Variants in ATP8B4 observed in about 807,000 individuals in gnomAD.
ATP8B4 encodes the protein ATPase phospholipid transporting 8B4 (putative).
A neutral mutation model predicts 145.6 loss-of-function variants in ATP8B4; 133 were observed. The observed-to-expected ratio is 0.91, with a 90% CI of 0.79 to 1.05. The LOEUF (loss-of-function observed/expected upper bound fraction) is 1.05, where lower values mean the gene tolerates loss of function less well. ATP8B4 is among the 50% of genes least tolerant of loss of function. ATP8B4 has a pLI of 0.00. For synonymous variants in ATP8B4, 507 were observed against 492.9 expected, an observed-to-expected ratio of 1.03 and a Z score of -0.38; for missense variants, 1,458 against 1,425.2, an observed-to-expected ratio of 1.02 and a Z score of -0.37.
intron 23 of ATP8B4, among the ~76,000 whole-genome samples, chr15:49,886,259 C>T (rs1369688035): frequency 2.0e-5 from 3 of 150,152 alleles, no homozygotes; most frequent in African/African-American, 7.6e-5. Context: ...GAGTAGGATA[C>T]TCAATCTCTC....
intron 15 of ATP8B4, among the ~76,000 whole-genome samples, chr15:49,933,148 T>C (rs998712884): frequency 1.3e-5 from 2 of 151,510 alleles, no homozygotes; most frequent in Non-Finnish European, 2.9e-5. Flanking sequence ...GTGAAAAGTA[T>C]ACAACAACAA....
chr15:50,039,949 A>C (rs1251546638), intron 5 of ATP8B4, among the ~76,000 whole-genome samples: 1 of 152,258 alleles, frequency 6.6e-6, no homozygotes, highest in Non-Finnish European at 1.5e-5. Flanking sequence ...AGTTTATAAT[A>C]TTGGTAAAGA....
intron 17 of ATP8B4, 29 bp downstream of exon 17, chr15:49,923,350 T>C (rs2040426825): frequency 2.0e-6 from 3 of 1,498,918 alleles, no homozygotes; most frequent in African/African-American, 2.8e-5. Context: ...AAAGGGCCAT[T>C]GTGCTAACCT....
intron 2 of ATP8B4, among the ~76,000 whole-genome samples, chr15:50,080,164 A>T (rs187474420): frequency 7.9e-5 from 12 of 152,200 alleles, no homozygotes; most frequent in Admixed American, 6.5e-4. Flanking sequence ...CCCCAAAATC[A>T]TAAAATCCAA....
chr15:49,883,410 AG>A (rs1334794526), intron 23 of ATP8B4: 3 of 152,228 alleles, frequency 2.0e-5, no homozygotes, highest in African/African-American at 7.2e-5. Context: ...AAGAGAAGAC[AG>A]GAAGGAAAAA....
chr15:49,954,120 T>C (rs2043342513), intron 14 of ATP8B4, among the ~76,000 whole-genome samples: 1 of 152,198 alleles, frequency 6.6e-6, no homozygotes, highest in South Asian at 2.1e-4. Flanking sequence ...AGTCAGCCAT[T>C]TTGGCCCTGC....
rs76234111 is a variant in ATP8B4, at chr15:49,929,402, T to C, written c.1642+1717A>G. ...AAGCATACAATGAGAGAGGTAACTG[T>C]GAATTTTAATACAGATTATAGAAAG... is the stretch of plus-strand genomic sequence containing the variant. On this transcript the variant is annotated intron_variant, in intron 16 of 27. Coordinates refer to ENST00000284509, the MANE Select transcript of ATP8B4 (RefSeq NM_024837.4). 6.0e-3 allele frequency among the ~76,000 whole-genome samples: 921 copies of C among 152,238 alleles called. 14 individuals carry two copies. Among genetic ancestry groups the C allele is most frequent in the African/African-American group, 0.022 (896 of 41,542 alleles).
chr15:50,130,984 A>G (rs2057342198), intron 1 of ATP8B4, among the ~76,000 whole-genome samples: 1 of 152,154 alleles, frequency 6.6e-6, no homozygotes, highest in African/African-American at 2.4e-5. Flanking sequence ...GAAACTTACA[A>G]TCATGGCAGA....
chr15:50,042,015 C>T (rs965580838), intron 5 of ATP8B4, among the ~76,000 whole-genome samples: 4 of 150,036 alleles, frequency 2.7e-5, no homozygotes, highest in Non-Finnish European at 5.9e-5. Flanking sequence ...ATTAGCCAGG[C>T]GTTGCAGCAT....
upstream of ATP8B4, among the ~76,000 whole-genome samples, chr15:50,120,834 C>A (rs2057262150): frequency 6.6e-6 from 1 of 152,146 alleles, no homozygotes; most frequent in Non-Finnish European, 1.5e-5. Context: ...ATCAGGTCAT[C>A]TGAGTTTAGT....
intron 1 of ATP8B4, among the ~76,000 whole-genome samples, chr15:50,149,768 G>C (rs1445084444): frequency 2.0e-5 from 3 of 152,170 alleles, no homozygotes. Context: ...ATTCAGGGCA[G>C]TAAAGGAAGA....
chr15:49,981,565 T>C (rs2046160305), intron 10 of ATP8B4, among the ~76,000 whole-genome samples: 1 of 152,142 alleles, frequency 6.6e-6, no homozygotes, highest in African/African-American at 2.4e-5. Context: ...ATTTTTTCAA[T>C]GTCTATACAT....
chr15:49,898,736 G>A (rs1476400824), intron 21 of ATP8B4, among the ~76,000 whole-genome samples: 3 of 152,282 alleles, frequency 2.0e-5, no homozygotes, highest in East Asian at 3.9e-4. Flanking sequence ...CAGGCAAAAT[G>A]AAAAGCAGAT....
At chr15:49,921,493 C>T (rs6493385) in intron 17 of ATP8B4, among the ~76,000 whole-genome samples, 85,490 of 151,900 alleles carry the variant, frequency 0.56, 25,362 homozygotes, top group African/African-American at 0.7. Context: ...TAGAAACATA[C>T]GTAGATTGCT....
intron 3 of ATP8B4, among the ~76,000 whole-genome samples, chr15:50,048,012 C>CT (rs925245265): frequency 4.0e-5 from 6 of 151,550 alleles, no homozygotes; most frequent in Admixed American, 1.3e-4. Flanking sequence ...CCTATAACTT[C>CT]TTTTTTTTTA....
intron 14 of ATP8B4, among the ~76,000 whole-genome samples, chr15:49,953,878 C>T (rs1599394664): frequency 6.6e-6 from 1 of 152,138 alleles, no homozygotes; most frequent in Admixed American, 6.5e-5. Flanking sequence ...ACAGTTTCCC[C>T]GGCTGGGTAG....
intron 12 of ATP8B4, among the ~76,000 whole-genome samples, chr15:49,978,523 T>A (rs1398225325): frequency 6.6e-6 from 1 of 152,082 alleles, no homozygotes; most frequent in Non-Finnish European, 1.5e-5. Context: ...ATAGCTAGGT[T>A]TTTGAAGAGA....
At chr15:49,926,184 C>T (rs2040705943) in intron 16 of ATP8B4, among the ~76,000 whole-genome samples, 2 of 152,126 alleles carry the variant, frequency 1.3e-5, no homozygotes, top group African/African-American at 4.8e-5. Flanking sequence ...GCACATCCGA[C>T]TACCAGTTGA....
chr15:50,038,121 C>T (rs926390228), intron 6 of ATP8B4, among the ~76,000 whole-genome samples: 1 of 151,776 alleles, frequency 6.6e-6, no homozygotes. Context: ...GGGGGGACAG[C>T]AAAAAAGAGA....
Sources: gnomAD v4.1 joint callset for allele counts (sites outside exome capture counted in the v4.1 genomes callset) on GRCh38, gnomAD v4.1.1 for gene constraint, MANE v1.5 for transcripts, NCBI Gene and HGNC (gene_info 2026-07-23, HGNC 2026-07-21) for gene names.